The following MEGF6 variants were observed in gnomAD, a reference collection of about 807,000 sequenced individuals.
The protein encoded by MEGF6 is multiple EGF like domains 6.
Under a neutral mutation model 207.1 loss-of-function variants are expected in MEGF6, and 184 were observed. The observed-to-expected ratio is 0.89, with a 90% CI of 0.79 to 1.00. The LOEUF is 1.00. Among genes scored for constraint, MEGF6 ranks in the 50% least tolerant of loss-of-function variants. MEGF6 has a pLI of 0.00. For synonymous variants in MEGF6, 1,038 were observed against 910.0 expected (o/e 1.14, Z -2.53); for missense variants, 2,282 against 2,202.9 (o/e 1.04, Z -0.72).
intron 18 of MEGF6, 59 bp from the exon 19 acceptor site, chr1:3,501,367 A>G (rs764454942): frequency 1.3e-6 from 2 of 1,534,388 alleles, no homozygotes; most frequent in Admixed American, 1.9e-5. Flanking sequence ...ACACATCAAC[A>G]TAACATGGCA....
rs142407282 is a variant in MEGF6, at chr1:3,608,948, C to T, written c.131+2190G>A. Among the ~76,000 whole-genome samples, 375 of 152,306 alleles carry T rather than the reference C, an allele frequency of 2.5e-3. 1 individual carries two copies. The highest frequency in any genetic ancestry group is 8.8e-3 in the African/African-American group (365 of 41,564). Reference sequence around the variant, plus strand: ...TGGATCTGCGAGTTGGAGGGCACACCCCTCGCTGCCTCCGACAGCGTCTCC... The same window carrying T: ...TGGATCTGCGAGTTGGAGGGCACACTCCTCGCTGCCTCCGACAGCGTCTCC... On this transcript the variant is annotated intron_variant, in intron 1 of 36. Transcript: ENST00000356575.
At chr1:3,587,893 G>T (rs74841524) in intron 3 of MEGF6, among the ~76,000 whole-genome samples, 21 of 4,030 alleles carry the variant, frequency 5.2e-3, no homozygotes, top group Non-Finnish European at 9.1e-3. Context: ...TGGCCAGGAG[G>T]GGGCAGGAGT....
In MEGF6 at chr1:3,520,900, G is replaced by C. The variant is rs117486117; in HGVS notation, c.604+3224C>G. On this transcript the variant is annotated intron_variant, in intron 5 of 36. Transcript: ENST00000356575. Reference sequence around the variant, plus strand: ...CCCCTCAGGTGCAGCCTCCTCTGGGGCCTTCCCAGATTGCTCCGGGCCCTG... The same window carrying C: ...CCCCTCAGGTGCAGCCTCCTCTGGGCCCTTCCCAGATTGCTCCGGGCCCTG... 1.6e-4 allele frequency among the ~76,000 whole-genome samples: 24 copies of C among 152,278 alleles called. No homozygotes were observed. The East Asian group carries it at 4.4e-3, about 28-fold the overall frequency.
intron 4 of MEGF6, among the ~76,000 whole-genome samples, chr1:3,533,519 G>A (rs1479342541): frequency 2.6e-5 from 4 of 152,222 alleles, no homozygotes; most frequent in Admixed American, 6.5e-5. Flanking sequence ...CCCGCCCTCC[G>A]CAGCCACAGC....
In MEGF6 at chr1:3,510,781, A is replaced by G; in HGVS notation, c.1234+2T>C. On this transcript the variant is annotated splice_donor_variant, in intron 10 of 36. Transcript: ENST00000356575. LOFTEE classifies it high-confidence loss of function. ...GCTGTGCAGTGGCAGGGCAGTGCTC[A>G]CCCTCACAGCCGCAGCCATCGGCAC... 6.3e-7 allele frequency: 1 copy of G among 1,599,948 alleles called. No homozygotes were observed. Among genetic ancestry groups the G allele is most frequent in the Non-Finnish European group, 8.5e-7 (1 of 1,170,782 alleles).
chr1:3,586,068 C>T (rs1372089139), intron 3 of MEGF6, among the ~76,000 whole-genome samples: 3 of 128,014 alleles, frequency 2.3e-5, no homozygotes, highest in Non-Finnish European at 4.8e-5. Context: ...TGTGGACACA[C>T]GTGCTGTGTG....
chr1:3,497,611 C>T, intron 26 of MEGF6: 1 of 676,190 alleles, frequency 1.5e-6, no homozygotes, highest in Non-Finnish European at 2.7e-6. Flanking sequence ...CGAATGTGCC[C>T]TTGGCACAGG....
At position 3,510,852 on chromosome 1, in the gene MEGF6, T is replaced by A; in HGVS notation, c.1165A>T (p.Asn389Tyr). 6.2e-7 allele frequency: 1 copy of A among 1,610,972 alleles called. No individual in the cohort carries two copies. Among genetic ancestry groups the A allele is most frequent in the Non-Finnish European group, 8.5e-7 (1 of 1,178,420 alleles). The change falls in exon 10 of 37, where the codon AAC becomes TAC. Residue 389 changes from asparagine to tyrosine, a missense_variant. Transcript: ENST00000356575. ...CAGCCGCACTCGTACCCGCCAGGGT[T>A]GTTGGTGCACACCTGCTGGCAGCAC... ...SPCCQQVCTN[N>Y]PGGYECGCYA...
chr1:3,598,820 G>A (rs554807186), intron 2 of MEGF6, among the ~76,000 whole-genome samples: 51 of 151,966 alleles, frequency 3.4e-4, no homozygotes, highest in African/African-American at 1.2e-3. Flanking sequence ...GGACCTGAGC[G>A]GCAGCTCCAC....
intron 1 of MEGF6, among the ~76,000 whole-genome samples, chr1:3,610,046 G>A (rs989838213): frequency 6.6e-6 from 1 of 152,258 alleles, no homozygotes; most frequent in Non-Finnish European, 1.5e-5. Flanking sequence ...AAAGGCATTG[G>A]AATCACAGGA....
At chr1:3,561,207 G>A (rs1181462451) in intron 4 of MEGF6, among the ~76,000 whole-genome samples, 8 of 152,212 alleles carry the variant, frequency 5.3e-5, no homozygotes, top group Non-Finnish European at 8.8e-5. Flanking sequence ...CTGAGCTCCA[G>A]GCAATGGGCA....
At chr1:3,526,900 C>T (rs1200633272) in intron 4 of MEGF6, among the ~76,000 whole-genome samples, 1 of 152,194 alleles carries the variant, frequency 6.6e-6, no homozygotes, top group Non-Finnish European at 1.5e-5. Context: ...GACCTTGCCT[C>T]GAGAGGGAAG....
At chr1:3,497,471 G>A (rs1368922680) in intron 26 of MEGF6, 110 bp from the exon 27 acceptor site, 1 of 1,309,228 alleles carries the variant, frequency 7.6e-7, no homozygotes, top group East Asian at 2.6e-5. Flanking sequence ...AATGCTGGCT[G>A]AACTGGGGGC....
intron 4 of MEGF6, among the ~76,000 whole-genome samples, chr1:3,572,299 G>A (rs1643524253): frequency 1.4e-5 from 2 of 145,554 alleles, no homozygotes; most frequent in African/African-American, 2.6e-5. Context: ...GGGTGTGCTG[G>A]GTCCTTCCTG....
At chr1:3,491,137 G>T (rs945576612) in intron 35 of MEGF6, among the ~76,000 whole-genome samples, 178 bp from the exon 36 acceptor site, 3 of 151,818 alleles carry the variant, frequency 2.0e-5, no homozygotes, top group Admixed American at 6.5e-5. Context: ...CTGGGGGGGG[G>T]GGCTCTCCCT....
chr1:3,499,490 G>A, intron 23 of MEGF6, 98 bp downstream of exon 23: 1 of 1,502,688 alleles, frequency 6.7e-7, no homozygotes, highest in Non-Finnish European at 8.9e-7. Flanking sequence ...TTGCCTGGTA[G>A]CTTCAGACAC....
At chr1:3,563,870 C>A (rs1442372924) in intron 4 of MEGF6, among the ~76,000 whole-genome samples, 1 of 152,198 alleles carries the variant, frequency 6.6e-6, no homozygotes, top group African/African-American at 2.4e-5. Context: ...GAAGTCAGAC[C>A]TGCCAGGTGC....
In MEGF6 at chr1:3,489,908, A is replaced by C. The variant is rs1640283808; in HGVS notation, c.*620T>G. 6.6e-6 allele frequency: 1 copy of C among 152,466 alleles called. No individual in the cohort carries two copies. The highest frequency in any genetic ancestry group is 2.4e-5 in the African/African-American group (1 of 41,416). The allele number at this position is 152,466 out of a possible 1,614,324, so 9.4% of individuals were successfully genotyped here. On this transcript the variant is annotated 3_prime_UTR_variant, in exon 37 of 37. Coordinates refer to ENST00000356575, the MANE Select transcript of MEGF6 (RefSeq NM_001409.4). The stretch of plus-strand genomic sequence containing the variant: ...AGAGTCCACGTAACACAGCAAACAC[A>C]CAGGCCACGAGGAGGTTGCCTGCTC...
At chr1:3,608,868 A>G (rs1458805868) in intron 1 of MEGF6, among the ~76,000 whole-genome samples, 2 of 152,166 alleles carry the variant, frequency 1.3e-5, no homozygotes, top group African/African-American at 4.8e-5. Flanking sequence ...CTTTGGAGTG[A>G]CCTGAATCAG....
Sources: gnomAD v4.1 joint callset for allele counts (sites outside exome capture counted in the v4.1 genomes callset) on GRCh38, gnomAD v4.1.1 for gene constraint, MANE v1.5 for transcripts, NCBI Gene and HGNC (gene_info 2026-07-23, HGNC 2026-07-21) for gene names.